Variants in GC observed in about 807,000 individuals in gnomAD.
GC encodes vitamin D-binding protein.
Under a neutral mutation model 56.7 loss-of-function variants are expected in GC, and 43 were observed. The ratio of observed to expected loss-of-function variants is 0.76; its 90% CI spans 0.59 to 0.98. GC has a LOEUF of 0.98. Among genes scored for constraint, GC ranks in the 50% least tolerant of loss-of-function variants. The pLI is 0.00. For synonymous variants in GC, 216 were observed against 202.7 expected (o/e 1.07, Z -0.56); for missense variants, 529 against 545.9 (o/e 0.97, Z 0.31).
chr4:71,786,853 T>C (rs1742851225), upstream of GC, among the ~76,000 whole-genome samples: 2 of 152,052 alleles, frequency 1.3e-5, no homozygotes, highest in African/African-American at 4.8e-5. Context: ...TGATTTTGTC[T>C]GGTGTTCTCT....
chr4:71,802,661 C>A (rs1279669688), intron 1 of GC, among the ~76,000 whole-genome samples: 2 of 152,160 alleles, frequency 1.3e-5, no homozygotes, highest in Non-Finnish European at 1.5e-5. Flanking sequence ...CTATCAAGTT[C>A]TTTGCTCTTT....
intron 1 of GC, among the ~76,000 whole-genome samples, chr4:71,782,328 A>T (rs1742708830): frequency 1.3e-5 from 2 of 151,814 alleles, no homozygotes; most frequent in Non-Finnish European, 2.9e-5. Flanking sequence ...GCTAGCTTCT[A>T]AGTAAACTGC....
intron 10 of GC, among the ~76,000 whole-genome samples, chr4:71,753,297 C>G (rs1741614308): frequency 6.6e-6 from 1 of 152,038 alleles, no homozygotes; most frequent in Non-Finnish European, 1.5e-5. Context: ...GAAATGCTTG[C>G]CAGCCCAGCG....
At chr4:71,751,190 A>C (rs967658635) in intron 11 of GC, among the ~76,000 whole-genome samples, 5 of 152,174 alleles carry the variant, frequency 3.3e-5, no homozygotes, top group African/African-American at 1.2e-4. Flanking sequence ...TTTCTGAAAA[A>C]GGCCAGCAAA....
At position 71,768,334 on chromosome 4, in the gene GC, C is replaced by A; in HGVS notation, c.228G>T (p.Ala76=). 1 of 1,613,096 alleles carries A rather than the reference C, an allele frequency of 6.2e-7. No homozygotes were observed. Among genetic ancestry groups the A allele is most frequent in the Non-Finnish European group, 8.5e-7 (1 of 1,179,526 alleles). ...EVVSLTEACC[A]EGADPDCYDT... ...CATAGCAGTCAGGGTCAGCCCCTTC[C>A]GCACAGCAGGCTTCGGTCAAGGAGA... is the stretch of plus-strand genomic sequence containing the variant. Residue 76 remains alanine, a synonymous_variant, in exon 3 of 13, where the codon GCG becomes GCT. Coordinates refer to ENST00000273951, the MANE Select transcript of GC (RefSeq NM_000583.4).
chr4:71,795,784 A>G (rs1266338544), intron 1 of GC, among the ~76,000 whole-genome samples: 1 of 152,204 alleles, frequency 6.6e-6, no homozygotes, highest in African/African-American at 2.4e-5. Context: ...TGTTTTTGCC[A>G]TGGCTGGAAC....
chr4:71,774,016 C>T (rs934881285), intron 1 of GC, among the ~76,000 whole-genome samples: 1 of 151,856 alleles, frequency 6.6e-6, no homozygotes, highest in African/African-American at 2.4e-5. Flanking sequence ...AAATAGTAAA[C>T]ATTATTGAGC....
chr4:71,744,923 C>A (rs2149291898), intron 12 of GC, among the ~76,000 whole-genome samples: 1 of 152,190 alleles, frequency 6.6e-6, no homozygotes, highest in South Asian at 2.1e-4. Flanking sequence ...GATTTTTATT[C>A]CTTGGAAAAT....
intron 1 of GC, among the ~76,000 whole-genome samples, chr4:71,802,253 A>G (rs1020961603): frequency 3.3e-5 from 5 of 152,140 alleles, no homozygotes; most frequent in South Asian, 2.1e-4. Context: ...AATCAATGCA[A>G]TTAGTGCTTA....
intron 1 of GC, among the ~76,000 whole-genome samples, chr4:71,789,276 T>C (rs1742917081): frequency 6.6e-6 from 1 of 151,928 alleles, no homozygotes; most frequent in Admixed American, 6.6e-5. Flanking sequence ...CATATATACA[T>C]TTAGATTTTA....
chr4:71,752,058 A>G (rs1352846), intron 11 of GC, among the ~76,000 whole-genome samples: 33,736 of 151,914 alleles, frequency 0.22, 4,326 homozygotes, highest in Non-Finnish European at 0.29. Context: ...ATTTTTATCA[A>G]TCTACCTGCC....
chr4:71,743,950 A>G (rs1395788365), intron 12 of GC, among the ~76,000 whole-genome samples: 2 of 152,214 alleles, frequency 1.3e-5, no homozygotes, highest in South Asian at 2.1e-4. Context: ...TAGCCAAACA[A>G]TTTAGTGGTA....
At chr4:71,773,219 G>T (rs1742395557) in intron 1 of GC, among the ~76,000 whole-genome samples, 1 of 152,050 alleles carries the variant, frequency 6.6e-6, no homozygotes, top group African/African-American at 2.4e-5. Context: ...ACTTTCACAT[G>T]AAGTGACCCC....
chr4:71,756,811 G>A lies in GC; in HGVS notation c.935C>T (p.Thr312Ile), dbSNP rs1741789055. ...EKTAMDVFVC[T>I]YFMPAAQLPE... ...GAGTTGGGCAGCTGGCATGAAGTAAGTGCACACAAAAACGTCCATGGCTGT... is the reference window on the plus strand; with the variant it reads ...GAGTTGGGCAGCTGGCATGAAGTAAATGCACACAAAAACGTCCATGGCTGT... The change falls in exon 8 of 13, where the codon ACT becomes ATT. Residue 312 changes from threonine (T) to isoleucine (I), a missense_variant. Physicochemically the swap from Thr to Ile is moderately conservative, Grantham distance 89 (BLOSUM62 -1). Transcript: ENST00000273951. 7 of 1,613,242 alleles carry A rather than the reference G, an allele frequency of 4.3e-6. No homozygotes were observed. In the East Asian group the frequency reaches 1.6e-4, roughly 36 times the overall value.
intron 1 of GC, among the ~76,000 whole-genome samples, chr4:71,781,425 GA>G (rs969911906): frequency 1.3e-5 from 2 of 151,098 alleles, no homozygotes; most frequent in Admixed American, 6.6e-5. Flanking sequence ...AAAAAGAAAA[GA>G]AAAAAATGCA....
At chr4:71,790,904 T>A (rs560434491) in intron 1 of GC, among the ~76,000 whole-genome samples, 2 of 152,112 alleles carry the variant, frequency 1.3e-5, no homozygotes, top group Admixed American at 1.3e-4. Context: ...GTCCTAAAGC[T>A]ATCCCTCCCC....
At chr4:71,767,452 A>G (rs1742192762) in intron 3 of GC, among the ~76,000 whole-genome samples, 2 of 151,990 alleles carry the variant, frequency 1.3e-5, no homozygotes. Flanking sequence ...CATACAGGGC[A>G]ACTTTTGAAT....
intron 10 of GC, among the ~76,000 whole-genome samples, 182 bp from the exon 11 acceptor site, chr4:71,752,832 A>T (rs980372639): frequency 6.6e-6 from 1 of 152,184 alleles, no homozygotes; most frequent in Non-Finnish European, 1.5e-5. Context: ...AAAGTGAAAC[A>T]TGCCTCTTCG....
chr4:71,800,619 A>G (rs1280776181), intron 1 of GC, among the ~76,000 whole-genome samples: 1 of 152,180 alleles, frequency 6.6e-6, no homozygotes, highest in African/African-American at 2.4e-5. Flanking sequence ...GCTGGGTCAA[A>G]CAGTATTTCT....
Sources: gnomAD v4.1 joint callset for allele counts (sites outside exome capture counted in the v4.1 genomes callset) on GRCh38, gnomAD v4.1.1 for gene constraint, MANE v1.5 for transcripts, NCBI Gene and HGNC (gene_info 2026-07-23, HGNC 2026-07-21) for gene names.